The following PPP3CA variants were observed in gnomAD, a reference collection of about 807,000 sequenced individuals.
PPP3CA encodes protein phosphatase 3 catalytic subunit alpha.
In PPP3CA, 14 loss-of-function variants were observed where a neutral mutation model predicts 66.5. The observed-to-expected ratio is 0.21, with a 90% CI of 0.14 to 0.33. PPP3CA has a LOEUF of 0.33. Ranked by LOEUF, PPP3CA falls within the 10% of genes least tolerant of loss-of-function variation. The probability of loss-of-function intolerance (pLI) is 1.00; values close to 1 mark genes in which losing one functional copy is unlikely to be tolerated. For missense variants in PPP3CA, 317 were observed against 639.5 expected (o/e 0.50, Z 5.44); for synonymous variants, 232 against 226.2 (o/e 1.03, Z -0.23).
chr4:101,041,599 C>CT (rs1349738562), intron 10 of PPP3CA, among the ~76,000 whole-genome samples: 1 of 151,624 alleles, frequency 6.6e-6, no homozygotes, highest in Non-Finnish European at 1.5e-5. Flanking sequence ...GCCCAGCTAA[C>CT]TTTTTTTGTA....
At chr4:101,328,007 T>C (rs1729258657) in intron 1 of PPP3CA, among the ~76,000 whole-genome samples, 1 of 151,766 alleles carries the variant, frequency 6.6e-6, no homozygotes, top group South Asian at 2.1e-4. Flanking sequence ...AAAAAGAAAA[T>C]ATGAACCTAA....
intron 10 of PPP3CA, among the ~76,000 whole-genome samples, chr4:101,050,761 G>A (rs1727973897): frequency 6.6e-6 from 1 of 152,146 alleles, no homozygotes; most frequent in African/African-American, 2.4e-5. Context: ...AAAAATAAAT[G>A]TGCCAGTCAG....
At chr4:101,159,539 T>A (rs544270636) in intron 2 of PPP3CA, among the ~76,000 whole-genome samples, 1 of 152,284 alleles carries the variant, frequency 6.6e-6, no homozygotes, top group South Asian at 2.1e-4. Flanking sequence ...AGAAGTTTTG[T>A]CACTTGAGTG....
At chr4:101,290,991 T>C (rs1156391487) in intron 1 of PPP3CA, among the ~76,000 whole-genome samples, 2 of 152,130 alleles carry the variant, frequency 1.3e-5, no homozygotes, top group African/African-American at 4.8e-5. Flanking sequence ...ACTATAACCA[T>C]TTTGCTACCA....
chr4:101,219,507 A>G (rs1189548124), intron 1 of PPP3CA, among the ~76,000 whole-genome samples: 1 of 151,886 alleles, frequency 6.6e-6, no homozygotes, highest in Non-Finnish European at 1.5e-5. Flanking sequence ...CTAAGTACAT[A>G]TTCTGTTTCA....
intron 10 of PPP3CA, among the ~76,000 whole-genome samples, chr4:101,057,415 A>G (rs992100270): frequency 6.6e-6 from 1 of 152,200 alleles, no homozygotes; most frequent in African/African-American, 2.4e-5. Context: ...TTAAATGGCA[A>G]ATTTATGAGA....
At chr4:101,042,222 A>G (rs1296065514) in intron 10 of PPP3CA, among the ~76,000 whole-genome samples, 1 of 142,972 alleles carries the variant, frequency 7.0e-6, no homozygotes, top group Non-Finnish European at 1.5e-5. Context: ...GTGAAAACAT[A>G]TGGGTCACTT....
intron 1 of PPP3CA, among the ~76,000 whole-genome samples, chr4:101,282,773 C>T (rs1485991793): frequency 6.6e-6 from 1 of 152,296 alleles, no homozygotes; most frequent in Non-Finnish European, 1.5e-5. Flanking sequence ...CCTCGCACCA[C>T]AGAAACATGG....
intron 8 of PPP3CA, among the ~76,000 whole-genome samples, chr4:101,067,506 G>T (rs1728729044): frequency 6.6e-6 from 1 of 150,750 alleles, no homozygotes; most frequent in African/African-American, 2.4e-5. Context: ...AAAACAGGGG[G>T]TCTTTCTTAC....
intron 1 of PPP3CA, among the ~76,000 whole-genome samples, chr4:101,306,139 C>A (rs1728529034): frequency 6.6e-6 from 1 of 152,162 alleles, no homozygotes; most frequent in Non-Finnish European, 1.5e-5. Flanking sequence ...TTTGTCATGT[C>A]CATGGAACAT....
intron 1 of PPP3CA, among the ~76,000 whole-genome samples, chr4:101,271,418 T>C (rs913639959): frequency 6.6e-6 from 1 of 152,110 alleles, no homozygotes; most frequent in African/African-American, 2.4e-5. Flanking sequence ...ATACTGACTG[T>C]AAGTGTAAAC....
intron 1 of PPP3CA, among the ~76,000 whole-genome samples, chr4:101,330,898 A>G (rs1199822669): frequency 6.6e-6 from 1 of 152,124 alleles, no homozygotes; most frequent in African/African-American, 2.4e-5. Context: ...GTGTTATAAC[A>G]CCATAATAAG....
intron 1 of PPP3CA, among the ~76,000 whole-genome samples, chr4:101,295,138 A>G (rs1728159739): frequency 6.9e-6 from 1 of 144,084 alleles, no homozygotes; most frequent in Non-Finnish European, 1.5e-5. Flanking sequence ...CGTCTCTACT[A>G]AAAATACAAA....
At chr4:101,067,774 C>A (rs993972090) in intron 8 of PPP3CA, among the ~76,000 whole-genome samples, 16 of 150,304 alleles carry the variant, frequency 1.1e-4, no homozygotes, top group Non-Finnish European at 2.1e-4. Context: ...ATGTAACAAA[C>A]CTGCACGTTG....
At chr4:101,220,830 T>C (rs1167583608) in intron 1 of PPP3CA, among the ~76,000 whole-genome samples, 2 of 151,626 alleles carry the variant, frequency 1.3e-5, no homozygotes, top group Non-Finnish European at 3.0e-5. Context: ...GCCTCCAAGT[T>C]TGCATTATAA....
At chr4:101,219,777 G>C (rs1273359690) in intron 1 of PPP3CA, among the ~76,000 whole-genome samples, 2 of 151,710 alleles carry the variant, frequency 1.3e-5, no homozygotes, top group Admixed American at 6.6e-5. Context: ...TAACAATGCA[G>C]ACTGATTTTC....
intron 2 of PPP3CA, among the ~76,000 whole-genome samples, chr4:101,137,486 T>C (rs186879185): frequency 2.0e-5 from 3 of 151,976 alleles, no homozygotes; most frequent in Non-Finnish European, 4.4e-5. Context: ...CTGTCCAGGC[T>C]CTCCCAGGTG....
At position 101,029,173 on chromosome 4, in the gene PPP3CA, A is replaced by G. The variant is rs776103120; in HGVS notation, c.1362T>C (p.Ala454=). 6.2e-7 allele frequency: 1 copy of G among 1,607,012 alleles called. No individual in the cohort carries two copies. Among genetic ancestry groups the G allele is most frequent in the Admixed American group, 1.7e-5 (1 of 59,964 alleles). The change falls in exon 13 of 14, where the codon GCT becomes GCC. Residue 454 remains alanine (A), a synonymous_variant. Transcript: ENST00000394854. ...GGGGACTGGCCAATTTACCTTCATC[A>G]GCCTCAATAGCCTCAACAGTAGCTG... ...LQSATVEAIE[A]DEAIKGFSPQ...
intron 1 of PPP3CA, among the ~76,000 whole-genome samples, chr4:101,314,569 C>CAAAAAAAAAAAAA (rs748980814): frequency 4.0e-5 from 3 of 75,254 alleles, no homozygotes; most frequent in Non-Finnish European, 7.6e-5. Context: ...ATCTCAAAAC[C>CAAAAAAAAAAAAA]AAAAAAAAAA....
Sources: allele counts gnomAD v4.1 joint callset (sites outside exome capture counted in the v4.1 genomes callset), GRCh38; gene constraint gnomAD v4.1.1; transcripts MANE v1.5; gene names NCBI Gene and HGNC (gene_info 2026-07-23, HGNC 2026-07-21).